The following MAGI2 variants were observed in gnomAD, a reference collection of about 807,000 sequenced individuals.
The protein encoded by MAGI2 is membrane associated guanylate kinase, WW and PDZ domain containing 2, also known as membrane-associated guanylate kinase, WW and PDZ domain-containing protein 2.
MAGI2 carries 35 observed loss-of-function variants against 133.3 expected under a neutral mutation model. The ratio of observed to expected loss-of-function variants is 0.26; its 90% CI spans 0.20 to 0.35. The LOEUF (loss-of-function observed/expected upper bound fraction) is 0.35, where lower values mean the gene tolerates loss of function less well. Ranked by LOEUF, MAGI2 falls within the 10% of genes least tolerant of loss-of-function variation. The pLI, the probability that MAGI2 is intolerant of heterozygous loss-of-function variation, is 1.00. For synonymous variants in MAGI2, 729 were observed against 710.6 expected (o/e 1.03, Z -0.41); for missense variants, 1,636 against 1,863.4 (o/e 0.88, Z 2.25).
chr7:78,699,512 C>G (rs1817851798), intron 2 of MAGI2, among the ~76,000 whole-genome samples: 1 of 152,074 alleles, frequency 6.6e-6, no homozygotes, highest in Non-Finnish European at 1.5e-5. Flanking sequence ...GATGTGGGTT[C>G]CATCCTTAAG....
chr7:78,479,474 C>A (rs984314082), intron 6 of MAGI2, among the ~76,000 whole-genome samples: 1 of 151,846 alleles, frequency 6.6e-6, no homozygotes, highest in Non-Finnish European at 1.5e-5. Context: ...TAGGGAAGTG[C>A]TTTCTGTAAC....
At chr7:78,858,787 A>G (rs1584179717) in intron 2 of MAGI2, among the ~76,000 whole-genome samples, 1 of 152,154 alleles carries the variant, frequency 6.6e-6, no homozygotes, top group East Asian at 1.9e-4. Context: ...ATTCCTGGAT[A>G]TCCTTGTTAA....
chr7:79,272,711 A>C (rs1283230191), intron 1 of MAGI2, among the ~76,000 whole-genome samples: 1 of 3,366 alleles, frequency 3.0e-4, no homozygotes, highest in Admixed American at 9.1e-3. Flanking sequence ...TAGGATTTCT[A>C]TAAGTTTAAA....
At chr7:78,999,254 T>G (rs1157093491) in intron 2 of MAGI2, among the ~76,000 whole-genome samples, 2 of 151,750 alleles carry the variant, frequency 1.3e-5, no homozygotes, top group African/African-American at 4.8e-5. Flanking sequence ...AAAGGGAATT[T>G]TATGTGGTTG....
At chr7:78,523,435 C>T (rs374614734) in intron 3 of MAGI2, among the ~76,000 whole-genome samples, 19 of 151,858 alleles carry the variant, frequency 1.3e-4, no homozygotes, top group East Asian at 5.8e-4. Context: ...GCTGAGATCG[C>T]GCCACTGCAC....
At chr7:79,000,887 T>C (rs1007637557) in intron 2 of MAGI2, among the ~76,000 whole-genome samples, 2 of 152,188 alleles carry the variant, frequency 1.3e-5, no homozygotes, top group Non-Finnish European at 2.9e-5. Context: ...TCCACAAAAC[T>C]AATTTCTTTC....
intron 10 of MAGI2, among the ~76,000 whole-genome samples, chr7:78,208,571 A>G (rs564326307): frequency 2.6e-5 from 4 of 152,322 alleles, no homozygotes; most frequent in African/African-American, 9.6e-5. Context: ...TAAAGAGAGA[A>G]ACCTGCTCTG....
chr7:78,098,470 A>G (rs1817916273), intron 20 of MAGI2, among the ~76,000 whole-genome samples: 1 of 152,164 alleles, frequency 6.6e-6, no homozygotes, highest in Non-Finnish European at 1.5e-5. Context: ...ATAATTCTCT[A>G]TTATATAAAG....
At chr7:78,220,769 G>A (rs994689305) in intron 10 of MAGI2, among the ~76,000 whole-genome samples, 2 of 152,318 alleles carry the variant, frequency 1.3e-5, no homozygotes, top group Middle Eastern at 3.4e-3. Flanking sequence ...GCAATTTAAT[G>A]ATGTACCATG....
intron 3 of MAGI2, among the ~76,000 whole-genome samples, chr7:78,546,267 C>G (rs1192886143): frequency 6.6e-6 from 1 of 152,152 alleles, no homozygotes; most frequent in African/African-American, 2.4e-5. Context: ...TGTACTGCTA[C>G]TACTTCTAGT....
chr7:79,169,254 A>C (rs1387493905), intron 1 of MAGI2, among the ~76,000 whole-genome samples: 3 of 152,062 alleles, frequency 2.0e-5, no homozygotes, highest in Non-Finnish European at 2.9e-5. Context: ...GTACTCATTA[A>C]ATATCTTGAG....
chr7:78,441,721 G>T lies in MAGI2; in HGVS notation c.1045+48040C>A, dbSNP rs145340370. On this transcript the variant is annotated intron_variant, in intron 6 of 21. Coordinates refer to ENST00000354212, the MANE Select transcript of MAGI2 (RefSeq NM_012301.4). ...ACAAAACAAAAATACCATGACCAAAGCATCCCACCTACACAAGACATTTAG... is the reference window on the plus strand; with the variant it reads ...ACAAAACAAAAATACCATGACCAAATCATCCCACCTACACAAGACATTTAG... 6.9e-3 allele frequency among the ~76,000 whole-genome samples: 1,054 copies of T among 151,880 alleles called. 11 individuals carry two copies. The highest frequency in any genetic ancestry group is 0.024 in the African/African-American group (992 of 41,454).
intron 1 of MAGI2, among the ~76,000 whole-genome samples, chr7:79,360,538 A>G (rs563926621): frequency 6.6e-6 from 1 of 152,254 alleles, no homozygotes; most frequent in South Asian, 2.1e-4. Flanking sequence ...AAAAATTATA[A>G]CACTATATGA....
intron 1 of MAGI2, among the ~76,000 whole-genome samples, chr7:79,018,444 C>T (rs760309864): frequency 6.6e-6 from 1 of 152,170 alleles, no homozygotes; most frequent in Non-Finnish European, 1.5e-5. Flanking sequence ...TACAAAAGCA[C>T]ATTTAAGTAC....
chr7:78,672,608 T>C (rs1381464741), intron 2 of MAGI2, among the ~76,000 whole-genome samples: 3 of 152,204 alleles, frequency 2.0e-5, no homozygotes, highest in African/African-American at 4.8e-5. Flanking sequence ...CCATGATTGA[T>C]GATCTCCACA....
chr7:78,125,003 A>G (rs1820838562), intron 20 of MAGI2, among the ~76,000 whole-genome samples: 1 of 151,988 alleles, frequency 6.6e-6, no homozygotes, highest in Non-Finnish European at 1.5e-5. Context: ...AGCTAGGACT[A>G]CAGGCGCCCG....
chr7:78,491,070 A>G (rs565409064), intron 5 of MAGI2, among the ~76,000 whole-genome samples: 2 of 152,266 alleles, frequency 1.3e-5, no homozygotes, highest in African/African-American at 4.8e-5. Flanking sequence ...TCTTTCTTTA[A>G]TGAAATTTAA....
At chr7:78,325,066 C>CA (rs1788447689) in intron 9 of MAGI2, among the ~76,000 whole-genome samples, 1 of 152,098 alleles carries the variant, frequency 6.6e-6, no homozygotes, top group Non-Finnish European at 1.5e-5. Context: ...TCTGAGAAAC[C>CA]AAAAATAACT....
chr7:78,210,569 A>G (rs1787675104), intron 10 of MAGI2, among the ~76,000 whole-genome samples: 1 of 152,214 alleles, frequency 6.6e-6, no homozygotes, highest in Non-Finnish European at 1.5e-5. Context: ...TTTGAACTAC[A>G]TTTTGAAGTT....
Sources: allele counts gnomAD v4.1 joint callset (sites outside exome capture counted in the v4.1 genomes callset), GRCh38; gene constraint gnomAD v4.1.1; transcripts MANE v1.5; gene names NCBI Gene and HGNC (gene_info 2026-07-23, HGNC 2026-07-21).